Variants in HDAC9 observed in about 807,000 individuals in gnomAD.
HDAC9 encodes the protein MEF-2 interacting transcription repressor (MITR) protein.
A neutral mutation model predicts 139.4 loss-of-function variants in HDAC9; 41 were observed. The ratio of observed to expected loss-of-function variants is 0.29; its 90% CI spans 0.23 to 0.38. The LOEUF is 0.38. Ranked by LOEUF, HDAC9 falls within the 10% of genes least tolerant of loss-of-function variation. The pLI is 1.00. For missense variants in HDAC9, 1,147 were observed against 1,297.0 expected (o/e 0.88, Z 1.78); for synonymous variants, 517 against 476.2 (o/e 1.09, Z -1.12).
intron 1 of HDAC9, among the ~76,000 whole-genome samples, chr7:18,398,465 ATTTTTGTTTTG>A (rs1233729213): frequency 6.6e-6 from 1 of 151,920 alleles, no homozygotes; most frequent in Non-Finnish European, 1.5e-5. Context: ...GAGTTTGTTT[ATTTTTGTTTTG>A]TTTTTGTTTC....
chr7:18,156,395 A>G (rs1374565192), intron 1 of HDAC9, among the ~76,000 whole-genome samples: 1 of 152,188 alleles, frequency 6.6e-6, no homozygotes, highest in Admixed American at 6.5e-5. Context: ...CCCTTTCTAG[A>G]TGGTGGCCCA....
chr7:18,656,863 C>G (rs1245339034), intron 11 of HDAC9, among the ~76,000 whole-genome samples: 1 of 152,114 alleles, frequency 6.6e-6, no homozygotes, highest in South Asian at 2.1e-4. Flanking sequence ...AACCTCCAGA[C>G]TGTTCTCCAT....
intron 9 of HDAC9, among the ~76,000 whole-genome samples, chr7:18,646,507 T>A (rs1226054877): frequency 6.6e-6 from 1 of 152,176 alleles, no homozygotes; most frequent in Non-Finnish European, 1.5e-5. Context: ...TAGTACTCCA[T>A]TTCTACATTG....
At chr7:18,675,113 A>G (rs997068834) in intron 12 of HDAC9, among the ~76,000 whole-genome samples, 14 of 152,016 alleles carry the variant, frequency 9.2e-5, no homozygotes, top group Non-Finnish European at 1.8e-4. Context: ...AATCTTTCTT[A>G]GAGAGTGAAT....
At chr7:18,840,513 A>T (rs1167643773) in intron 21 of HDAC9, among the ~76,000 whole-genome samples, 1 of 152,038 alleles carries the variant, frequency 6.6e-6, no homozygotes, top group Non-Finnish European at 1.5e-5. Flanking sequence ...GGGGGTTATT[A>T]TTGAAAACTA....
chr7:18,604,704 C>CT (rs1834970077), intron 6 of HDAC9, among the ~76,000 whole-genome samples: 1 of 152,054 alleles, frequency 6.6e-6, no homozygotes, highest in Non-Finnish European at 1.5e-5. Flanking sequence ...CGGATAAGAC[C>CT]TTTTTTAAAT....
intron 2 of HDAC9, among the ~76,000 whole-genome samples, chr7:18,210,011 C>CT (rs34805942): frequency 0.028 from 4,093 of 146,798 alleles, 70 homozygotes; most frequent in South Asian, 0.042. Context: ...AGAGAAGGTA[C>CT]TTTTTTTTTT....
In HDAC9 at chr7:18,869,147, G is replaced by GGTGTGTGTGT. The variant is rs58034239; in HGVS notation, c.2685-5300_2685-5291dup. On this transcript the variant is annotated intron_variant, in intron 21 of 25. Coordinates refer to ENST00000686413, the MANE Select transcript of HDAC9 (RefSeq NM_178425.4). Reference sequence around the variant, plus strand: ...GGGAAATTCCTGGACTCACAATTGGGGTGTGTGTGTGTGTGTGTGTGTGTG... The same window carrying GGTGTGTGTGT: ...GGGAAATTCCTGGACTCACAATTGGGGTGTGTGTGTGTGTGTGTGTGTGTGTGTGTGTGTG... Among the ~76,000 whole-genome samples, 817 of 138,202 alleles carry GGTGTGTGTGT rather than the reference G, an allele frequency of 5.9e-3. 8 individuals are homozygous for GGTGTGTGTGT. The highest frequency in any genetic ancestry group is 0.02 in the African/African-American group (717 of 36,302). The allele number at this position is 138,202 out of a possible 152,430, so 90.7% of individuals were successfully genotyped here. A position where few individuals can be genotyped will look rare whatever the true frequency, so the allele number is the denominator to read the frequency against.
chr7:18,725,079 T>C (rs1180647540), intron 12 of HDAC9, among the ~76,000 whole-genome samples: 1 of 152,160 alleles, frequency 6.6e-6, no homozygotes. Flanking sequence ...GAAGCATGAA[T>C]GTTCATGGTC....
intron 1 of HDAC9, among the ~76,000 whole-genome samples, chr7:18,462,692 A>G (rs540034466): frequency 1.5e-4 from 23 of 152,140 alleles, no homozygotes; most frequent in African/African-American, 4.1e-4. Context: ...TTGATTCACA[A>G]TGTCGTTTAT....
At chr7:18,778,004 A>C (rs1235762978) in intron 16 of HDAC9, among the ~76,000 whole-genome samples, 1 of 151,914 alleles carries the variant, frequency 6.6e-6, no homozygotes, top group Admixed American at 6.6e-5. Context: ...TATTCTACAG[A>C]AAAGGAAACA....
chr7:18,159,082 A>G (rs1341703082), intron 1 of HDAC9, among the ~76,000 whole-genome samples: 1 of 152,226 alleles, frequency 6.6e-6, no homozygotes, highest in Non-Finnish European at 1.5e-5. Flanking sequence ...CAAAGGATTC[A>G]TAGCAGCAGT....
At position 18,590,436 on chromosome 7, in the gene HDAC9, G is replaced by C; in HGVS notation, c.365G>C (p.Arg122Pro). The C allele has an allele frequency of 6.2e-7, 1 of 1,605,918 alleles. No individual in the cohort carries two copies. The highest frequency in any genetic ancestry group is 8.5e-7 in the Non-Finnish European group (1 of 1,175,948). ...CAAGAACAGGAAGTAGAGAGGCATC[G>C]CAGAGAACAGCAGCTTCCTCCTCTC... The part of the protein sequence containing the change: ...QRQEQEVERH[R>P]REQQLPPLRG... The change falls in exon 4 of 26, where the codon CGC becomes CCC. Residue 122 changes from arginine (R) to proline (P), a missense_variant. Around this residue, in one of 7 missense-constraint regions of HDAC9, gnomAD observed 136 missense variants for 183.5 expected, o/e 0.74. Coordinates refer to ENST00000686413, the MANE Select transcript of HDAC9 (RefSeq NM_178425.4).
intron 1 of HDAC9, among the ~76,000 whole-genome samples, chr7:18,120,525 C>T (rs1209284248): frequency 6.6e-6 from 1 of 152,058 alleles, no homozygotes; most frequent in African/African-American, 2.4e-5. Flanking sequence ...GGGAAGTTTT[C>T]TTCATCCTCG....
intron 1 of HDAC9, among the ~76,000 whole-genome samples, chr7:18,399,869 G>T (rs1405781797): frequency 6.6e-6 from 1 of 152,206 alleles, no homozygotes; most frequent in Admixed American, 6.5e-5. Context: ...CTCCCAGCAA[G>T]CTTGAAGTCA....
chr7:18,796,502 A>G (rs746504001), intron 17 of HDAC9, among the ~76,000 whole-genome samples: 1 of 152,260 alleles, frequency 6.6e-6, no homozygotes, highest in Non-Finnish European at 1.5e-5. Context: ...TTGGCACAGC[A>G]TAGACCTGCT....
At chr7:18,603,550 C>G (rs1424234982) in intron 6 of HDAC9, among the ~76,000 whole-genome samples, 1 of 152,042 alleles carries the variant, frequency 6.6e-6, no homozygotes, top group Admixed American at 6.5e-5. Context: ...TACCACTTTA[C>G]AGGTCATACA....
chr7:18,484,231 G>C (rs2128130057), intron 1 of HDAC9, among the ~76,000 whole-genome samples: 1 of 150,460 alleles, frequency 6.6e-6, no homozygotes, highest in South Asian at 2.1e-4. Flanking sequence ...TGTAGTCCCA[G>C]CGCTTGAGGG....
intron 6 of HDAC9, among the ~76,000 whole-genome samples, chr7:18,616,647 T>A (rs756093297): frequency 2.0e-5 from 3 of 152,242 alleles, no homozygotes; most frequent in Non-Finnish European, 4.4e-5. Context: ...AAAGGTTGTC[T>A]AAAGGTTATA....
Sources: allele counts gnomAD v4.1 joint callset (sites outside exome capture counted in the v4.1 genomes callset), GRCh38; gene constraint gnomAD v4.1.1; regional missense constraint gnomAD v4.1.1; transcripts MANE v1.5; gene names NCBI Gene and HGNC (gene_info 2026-07-23, HGNC 2026-07-21).